The following SEMA3D variants were observed in gnomAD, a reference collection of about 807,000 sequenced individuals.
SEMA3D encodes semaphorin 3D, also known as semaphorin-3D.
SEMA3D carries 84 observed loss-of-function variants against 100.1 expected under a neutral mutation model. The ratio of observed to expected loss-of-function variants is 0.84; its 90% CI spans 0.70 to 1.01. The LOEUF (loss-of-function observed/expected upper bound fraction) is 1.01, where lower values mean the gene tolerates loss of function less well. Ranked by LOEUF, SEMA3D falls within the 50% of genes least tolerant of loss-of-function variation. SEMA3D has a pLI of 0.00. For synonymous variants in SEMA3D, 312 were observed against 320.7 expected (o/e 0.97, Z 0.29); for missense variants, 875 against 934.1 (o/e 0.94, Z 0.82).
chr7:85,143,492 A>G (rs1201649452), intron 2 of SEMA3D, among the ~76,000 whole-genome samples: 1 of 152,150 alleles, frequency 6.6e-6, no homozygotes, highest in Non-Finnish European at 1.5e-5. Flanking sequence ...TGTACTGAAC[A>G]CTATAACCAA....
chr7:85,121,607 A>G (rs1175858180), intron 3 of SEMA3D, 134 bp downstream of exon 3: 2 of 549,766 alleles, frequency 3.6e-6, no homozygotes, highest in African/African-American at 4.0e-5. Flanking sequence ...CGTGTTCTAT[A>G]ATTCTATTTT....
chr7:85,029,188 C>A, intron 12 of SEMA3D: 2 of 686,598 alleles, frequency 2.9e-6, no homozygotes, highest in Non-Finnish European at 5.5e-6. Context: ...ACAGGCGTAC[C>A]TCCTGCACAC....
chr7:85,039,406 C>T (rs113319283), intron 11 of SEMA3D, among the ~76,000 whole-genome samples: 7 of 152,096 alleles, frequency 4.6e-5, no homozygotes, highest in Non-Finnish European at 8.8e-5. Flanking sequence ...TACAGGCGCC[C>T]GCAACCACAC....
intron 18 of SEMA3D, among the ~76,000 whole-genome samples, chr7:85,003,501 G>C (rs1289934426): frequency 6.6e-6 from 1 of 151,822 alleles, no homozygotes; most frequent in Non-Finnish European, 1.5e-5. Context: ...AGCATAACAG[G>C]TGAGATATCA....
intron 12 of SEMA3D, among the ~76,000 whole-genome samples, chr7:85,036,071 T>C (rs1156505291): frequency 2.0e-5 from 3 of 152,022 alleles, no homozygotes; most frequent in Non-Finnish European, 4.4e-5. Flanking sequence ...CCTCAGATAT[T>C]TTGGTAATTA....
At chr7:85,231,350 G>GT in the SEMA3D span, among the ~76,000 whole-genome samples, 3 of 146,498 alleles carry the variant, frequency 2.0e-5, no homozygotes, top group African/African-American at 7.5e-5. Flanking sequence ...TTAAACTGCT[G>GT]TATGTTTTTT....
intron 2 of SEMA3D, chr7:85,140,377 G>C: frequency 1.0e-5 from 10 of 979,224 alleles, no homozygotes; most frequent in African/African-American, 1.7e-5. Flanking sequence ...AGTAGATGTT[G>C]GTAAATTATT....
intron 5 of SEMA3D, among the ~76,000 whole-genome samples, chr7:85,080,030 C>T (rs1374225750): frequency 6.6e-6 from 1 of 152,120 alleles, no homozygotes; most frequent in Non-Finnish European, 1.5e-5. Flanking sequence ...AATGTAAAAA[C>T]TGTTTCCCAC....
the SEMA3D span, among the ~76,000 whole-genome samples, chr7:85,214,571 C>T: frequency 1.3e-5 from 2 of 150,902 alleles, no homozygotes; most frequent in East Asian, 2.0e-4. Context: ...ATCTCGGCTT[C>T]CTGCAACCTC....
At chr7:85,204,845 C>A in the SEMA3D span, among the ~76,000 whole-genome samples, 17 of 152,070 alleles carry the variant, frequency 1.1e-4, no homozygotes, top group East Asian at 1.7e-3. Flanking sequence ...TCCAACACAC[C>A]ATTACAGTTT....
At chr7:85,094,758 C>T (rs1788500836) in intron 4 of SEMA3D, among the ~76,000 whole-genome samples, 1 of 151,760 alleles carries the variant, frequency 6.6e-6, no homozygotes, top group African/African-American at 2.4e-5. Flanking sequence ...CTTTCCAGAC[C>T]CCGTCCCAGA....
intron 16 of SEMA3D, among the ~76,000 whole-genome samples, chr7:85,014,484 C>A (rs964001876): frequency 2.0e-5 from 3 of 151,604 alleles, no homozygotes; most frequent in Non-Finnish European, 4.4e-5. Context: ...ATTGTTGGCT[C>A]AAAATAGCAT....
At chr7:85,147,404 C>T (rs1032056401) in intron 2 of SEMA3D, among the ~76,000 whole-genome samples, 2 of 152,064 alleles carry the variant, frequency 1.3e-5, no homozygotes, top group Non-Finnish European at 2.9e-5. Flanking sequence ...CCCACCTCAG[C>T]CTCCCAAAGT....
intron 12 of SEMA3D, chr7:85,028,403 A>C: frequency 2.3e-6 from 1 of 440,968 alleles, no homozygotes; most frequent in Non-Finnish European, 4.1e-6. Context: ...AAAAAAAAAA[A>C]GGTTGGAGCT....
intron 12 of SEMA3D, among the ~76,000 whole-genome samples, chr7:85,025,746 C>T (rs139073105): frequency 6.6e-4 from 100 of 151,912 alleles, no homozygotes; most frequent in African/African-American, 2.3e-3. Flanking sequence ...TAACAGTTGC[C>T]GTCTTATACC....
intron 5 of SEMA3D, among the ~76,000 whole-genome samples, chr7:85,073,542 A>T (rs530524306): frequency 1.3e-5 from 2 of 152,104 alleles, no homozygotes; most frequent in East Asian, 3.9e-4. Flanking sequence ...CCACCACCAC[A>T]CACACCTGGT....
intron 4 of SEMA3D, among the ~76,000 whole-genome samples, chr7:85,086,831 G>A (rs1276564783): frequency 6.6e-6 from 1 of 152,082 alleles, no homozygotes; most frequent in Non-Finnish European, 1.5e-5. Flanking sequence ...AGCCCAAGAG[G>A]TACCTGTGTT....
At chr7:85,088,757 T>A (rs2116270672) in intron 4 of SEMA3D, among the ~76,000 whole-genome samples, 1 of 152,282 alleles carries the variant, frequency 6.6e-6, no homozygotes, top group Admixed American at 6.5e-5. Flanking sequence ...TTTAGATTTT[T>A]ATATAAGGGC....
At chr7:85,168,817 A>G (rs200058423) in intron 1 of SEMA3D, among the ~76,000 whole-genome samples, 1 of 104,878 alleles carries the variant, frequency 9.5e-6, no homozygotes, top group Non-Finnish European at 2.1e-5. Context: ...AAAGAAAGAA[A>G]GATGAAAGAA....
Sources: gnomAD v4.1 joint callset for allele counts (sites outside exome capture counted in the v4.1 genomes callset) on GRCh38, gnomAD v4.1.1 for gene constraint, MANE v1.5 for transcripts, NCBI Gene and HGNC (gene_info 2026-07-23, HGNC 2026-07-21) for gene names.